RIC1: variants seen among roughly 807,000 people sequenced by gnomAD.
The protein encoded by RIC1 is guanine nucleotide exchange factor subunit RIC1.
RIC1 carries 88 observed loss-of-function variants against 169.0 expected under a neutral mutation model. That is an observed-to-expected ratio of 0.52 (90% confidence interval 0.44 to 0.62). RIC1 has a LOEUF of 0.62. Among genes scored for constraint, RIC1 ranks in the 20% least tolerant of loss-of-function variants. RIC1 has a pLI of 0.00. For missense variants in RIC1, 1,877 were observed against 1,725.5 expected, an observed-to-expected ratio of 1.09 and a Z score of -1.56; for synonymous variants, 790 against 601.5, an observed-to-expected ratio of 1.31 and a Z score of -4.59.
At chr9:5,639,014 C>A (rs1175062126) in intron 1 of RIC1, among the ~76,000 whole-genome samples, 1 of 152,168 alleles carries the variant, frequency 6.6e-6, no homozygotes, top group Non-Finnish European at 1.5e-5. Flanking sequence ...CTCCCAAGTT[C>A]ATGTGATCCT....
intron 11 of RIC1, among the ~76,000 whole-genome samples, chr9:5,746,934 C>T (rs977325091): frequency 6.6e-6 from 1 of 152,114 alleles, no homozygotes; most frequent in Non-Finnish European, 1.5e-5. Flanking sequence ...TCCCCTTCCC[C>T]ATCCCAAATA....
At chr9:5,647,938 G>GTGGTGA (rs1554658163) in intron 1 of RIC1, among the ~76,000 whole-genome samples, 1 of 114,874 alleles carries the variant, frequency 8.7e-6, no homozygotes, top group African/African-American at 3.7e-5. Context: ...GTGGGGGTGG[G>GTGGTGA]TGGTGGTGGT....
At chr9:5,656,725 A>G in intron 2 of RIC1, 35 bp downstream of exon 2, 3 of 1,203,890 alleles carry the variant, frequency 2.5e-6, no homozygotes, top group Non-Finnish European at 1.2e-6. Context: ...GTGTTTTCTT[A>G]TGAAATCATT....
chr9:5,694,343 G>A (rs1821765303), intron 3 of RIC1, among the ~76,000 whole-genome samples: 1 of 152,154 alleles, frequency 6.6e-6, no homozygotes, highest in Non-Finnish European at 1.5e-5. Context: ...TCTTTTTCTA[G>A]AGAGGAACTT....
chr9:5,720,528 T>C, intron 5 of RIC1, 86 bp from the exon 6 acceptor site: 1 of 1,355,560 alleles, frequency 7.4e-7, no homozygotes, highest in South Asian at 1.5e-5. Flanking sequence ...TTTACCCTTT[T>C]AAACTTACAG....
intron 11 of RIC1, among the ~76,000 whole-genome samples, chr9:5,746,482 C>T (rs1466079769): frequency 6.6e-6 from 1 of 151,922 alleles, no homozygotes; most frequent in African/African-American, 2.4e-5. Flanking sequence ...AAAGGTAAAA[C>T]AAAATTGTAG....
At chr9:5,677,164 T>G (rs1820500406) in intron 2 of RIC1, among the ~76,000 whole-genome samples, 1 of 152,248 alleles carries the variant, frequency 6.6e-6, no homozygotes, top group Non-Finnish European at 1.5e-5. Context: ...AATTTCTATT[T>G]TCCTCTATCT....
chr9:5,733,010 C>G (rs763710771), intron 7 of RIC1, among the ~76,000 whole-genome samples: 6 of 151,950 alleles, frequency 3.9e-5, no homozygotes, highest in Non-Finnish European at 8.8e-5. Context: ...GTTCTAAGCA[C>G]TTGATACATT....
Position 5,665,277 on chromosome 9 carries a change from C to G in RIC1, c.252+8587C>G, listed in dbSNP as rs527791188. Among the ~76,000 whole-genome samples the G allele has an allele frequency of 4.6e-5, 7 of 152,290 alleles. No individual in the cohort carries two copies. The South Asian group carries it at 1.5e-3, about 32-fold the overall frequency. ...CACATTGTCAGTGGTGTGTTAAAGT[C>G]TCCCACTATTATTGTGTGGGAGTCT... On this transcript the variant is annotated intron_variant, in intron 2 of 25. Transcript: ENST00000414202.
rs148102774 is a variant in RIC1, at chr9:5,772,757, A to G, written c.3794+16A>G. ...TCCAGCTTCGGTGAGTTTCTTGGCT[A>G]TTTGAAATCACAGAATGCCTACTCA... On this transcript the variant is annotated intron_variant, in intron 24 of 25. Transcript: ENST00000414202. 1 of 1,595,930 alleles carries G rather than the reference A, an allele frequency of 6.3e-7. No homozygotes were observed. The highest frequency in any genetic ancestry group is 8.5e-7 in the Non-Finnish European group (1 of 1,171,802).
chr9:5,696,706 C>T (rs1186065867), intron 3 of RIC1, among the ~76,000 whole-genome samples: 1 of 152,136 alleles, frequency 6.6e-6, no homozygotes, highest in Admixed American at 6.5e-5. Flanking sequence ...TGTCCTGTAT[C>T]TCTTGAGTAA....
At chr9:5,630,025 C>A (rs1004800142) in intron 1 of RIC1, among the ~76,000 whole-genome samples, 1 of 152,168 alleles carries the variant, frequency 6.6e-6, no homozygotes, top group Non-Finnish European at 1.5e-5. Flanking sequence ...TCCCCACTTT[C>A]GAGTTGGTCT....
chr9:5,676,439 A>AC (rs1166555105), intron 2 of RIC1, among the ~76,000 whole-genome samples: 1 of 152,232 alleles, frequency 6.6e-6, no homozygotes, highest in African/African-American at 2.4e-5. Flanking sequence ...TATGTGTATT[A>AC]AAATTAATTT....
chr9:5,679,479 A>G (rs1820676269), intron 2 of RIC1, among the ~76,000 whole-genome samples: 2 of 152,220 alleles, frequency 1.3e-5, no homozygotes, highest in Admixed American at 1.3e-4. Context: ...TGAGCATGGA[A>G]AGTTCTTCCA....
chr9:5,760,978 A>G (rs191244836), intron 17 of RIC1, among the ~76,000 whole-genome samples: 2 of 152,016 alleles, frequency 1.3e-5, no homozygotes, highest in Admixed American at 6.6e-5. Flanking sequence ...TATAGCATGT[A>G]TAGCATTGTG....
At chr9:5,738,350 T>C in intron 7 of RIC1, 100 bp from the exon 8 acceptor site, 1 of 749,454 alleles carries the variant, frequency 1.3e-6, no homozygotes, top group African/African-American at 1.8e-5. Flanking sequence ...GGTTTTGTTC[T>C]AGTTTACACT....
intron 22 of RIC1, 80 bp downstream of exon 22, chr9:5,769,336 A>C: frequency 6.2e-7 from 1 of 1,613,562 alleles, no homozygotes; most frequent in African/African-American, 1.3e-5. Context: ...ATTAGTTGAT[A>C]TTCAAGGAAT....
At chr9:5,653,371 C>G (rs573476431) in intron 1 of RIC1, among the ~76,000 whole-genome samples, 2 of 152,140 alleles carry the variant, frequency 1.3e-5, no homozygotes, top group South Asian at 4.1e-4. Flanking sequence ...TGCCGGTCTT[C>G]CAACATTGTC....
chr9:5,772,676 A>C lies in RIC1; in HGVS notation c.3729A>C (p.Ser1243=). Residue 1243 remains serine (S), a synonymous_variant, in exon 24 of 26, where the codon TCA becomes TCC. Transcript: ENST00000414202. The stretch of plus-strand genomic sequence containing the variant: ...TCTCTACACTCAGTTTAACTCAGTC[A>C]GAGCTGGAGCACATTTCCATGGAGT... ...ENFSTLSLTQ[S]ELEHISMELA... 3.7e-6 allele frequency: 6 copies of C among 1,613,864 alleles called. No homozygotes were observed. The highest frequency in any genetic ancestry group is 5.1e-6 in the Non-Finnish European group (6 of 1,179,914).
Sources: gnomAD v4.1 joint callset for allele counts (sites outside exome capture counted in the v4.1 genomes callset) on GRCh38, gnomAD v4.1.1 for gene constraint, MANE v1.5 for transcripts, NCBI Gene and HGNC (gene_info 2026-07-23, HGNC 2026-07-21) for gene names.